INPP5D: variants seen among roughly 807,000 people sequenced by gnomAD.
INPP5D encodes inositol polyphosphate-5-phosphatase D.
Under a neutral mutation model 122.9 loss-of-function variants are expected in INPP5D, and 33 were observed. That is an observed-to-expected ratio of 0.27 (90% confidence interval 0.20 to 0.36). The LOEUF (loss-of-function observed/expected upper bound fraction) is 0.36. Among genes scored for constraint, INPP5D ranks in the 10% least tolerant of loss-of-function variants. INPP5D has a pLI of 1.00. For synonymous variants in INPP5D, 584 were observed against 576.2 expected (o/e 1.01, Z -0.19); for missense variants, 1,053 against 1,412.7 (o/e 0.75, Z 4.08).
chr2:233,096,220 C>T (rs919385836), intron 2 of INPP5D, among the ~76,000 whole-genome samples: 2 of 152,190 alleles, frequency 1.3e-5, no homozygotes, highest in African/African-American at 2.4e-5. Context: ...TTCCGAGTGA[C>T]CTTCTCACCC....
In INPP5D at chr2:233,204,776, GTATGTGTGTACCTATGCA is replaced by G. The variant is rs1444549674; in HGVS notation, c.3567+69_3567+86del. ...TGTGTGTGTGTGCATGCGTGAGTGCGTATGTGTGTACCTATGCATATGTGTGTGCATGTGTGTGTGCAC... is the reference window on the plus strand; with the variant it reads ...TGTGTGTGTGTGCATGCGTGAGTGCGTATGTGTGTGCATGTGTGTGTGCAC... On this transcript the variant is annotated intron_variant, in intron 26 of 26. Coordinates refer to ENST00000445964, the MANE Select transcript of INPP5D (RefSeq NM_001017915.3). 3 of 1,391,238 alleles carry G rather than the reference GTATGTGTGTACCTATGCA, an allele frequency of 2.2e-6. No individual in the cohort carries two copies. In the African/African-American group the frequency reaches 5.4e-5, roughly 25 times the overall value. The allele number at this position is 1,391,238 out of a possible 1,614,324, so 86.2% of individuals were successfully genotyped here.
chr2:233,112,455 G>C (rs1285264909), intron 2 of INPP5D, among the ~76,000 whole-genome samples: 2 of 152,174 alleles, frequency 1.3e-5, no homozygotes, highest in Admixed American at 6.5e-5. Flanking sequence ...AGGTGTTGCA[G>C]GTACTTGTTA....
In INPP5D at chr2:233,091,911, G is replaced by A. The variant is rs138060082; in HGVS notation, c.198+12513G>A. ...TCCACTGTCTCTGTAGCACCAGAAG[G>A]ATGCCTGGCACAGAGTAGGTGCTCA... On this transcript the variant is annotated intron_variant, in intron 2 of 26. Coordinates refer to ENST00000445964, the MANE Select transcript of INPP5D (RefSeq NM_001017915.3). Among the ~76,000 whole-genome samples the A allele has an allele frequency of 3.8e-3, 575 of 152,344 alleles. 4 individuals carry two copies. The highest frequency in any genetic ancestry group is 0.019 in the East Asian group (98 of 5,190).
intron 17 of INPP5D, 154 bp downstream of exon 17, chr2:233,171,306 A>G: frequency 8.2e-7 from 1 of 1,219,794 alleles, no homozygotes; most frequent in Non-Finnish European, 1.1e-6. Context: ...GTTACAGAGT[A>G]AATGGGAAGC....
At chr2:233,140,922 G>A (rs1440723628) in intron 6 of INPP5D, 9 of 152,366 alleles carry the variant, frequency 5.9e-5, no homozygotes, top group Admixed American at 2.6e-4. Context: ...GTTCACTGAA[G>A]AGGGACAGGG....
Position 233,204,621 on chromosome 2 carries a change from G to C in INPP5D, c.3471G>C (p.Lys1157Asn), listed in dbSNP as rs1016249693. ...CGGTGCTGCACCTCCAGCACTCCAA[G>C]GGCCGCGACTACCGCGACAACACCG... ...SPAVLHLQHS[K>N]GRDYRDNTEL... Residue 1157 changes from lysine to asparagine, a missense_variant, in exon 26 of 27, where the codon AAG becomes AAC. By Grantham distance (94) the Lys-to-Asn change is moderately conservative. Transcript: ENST00000445964. The C allele has an allele frequency of 6.3e-7, 1 of 1,578,790 alleles. No homozygotes were observed. Among genetic ancestry groups the C allele is most frequent in the Non-Finnish European group, 8.6e-7 (1 of 1,164,008 alleles).
intron 2 of INPP5D, 82 bp downstream of exon 2, chr2:233,079,480 A>C: frequency 1.1e-6 from 1 of 915,826 alleles, no homozygotes; most frequent in Non-Finnish European, 1.8e-6. Flanking sequence ...TGAGGAAGGA[A>C]GTGCACGCGC....
chr2:233,122,020 C>G (rs557572539), intron 2 of INPP5D, 87 bp from the exon 3 acceptor site: 38 of 1,489,980 alleles, frequency 2.6e-5, no homozygotes, highest in Middle Eastern at 4.1e-4. Context: ...CCCTCCGCCT[C>G]GCTGGTCTCT....
intron 2 of INPP5D, among the ~76,000 whole-genome samples, chr2:233,090,444 A>G (rs1395902726): frequency 2.6e-5 from 4 of 152,030 alleles, no homozygotes; most frequent in African/African-American, 4.8e-5. Context: ...TGCCCAACCC[A>G]TCTCCCCCCC....
rs1457631602 is a variant in INPP5D, at chr2:233,100,903, C to T, written c.199-21204C>T. Among the ~76,000 whole-genome samples, 2 of 148,428 alleles carry T rather than the reference C, an allele frequency of 1.3e-5. No homozygotes were observed. The highest frequency in any genetic ancestry group is 3.0e-5 in the Non-Finnish European group (2 of 67,276). On this transcript the variant is annotated intron_variant, in intron 2 of 26. Coordinates refer to ENST00000445964, the MANE Select transcript of INPP5D (RefSeq NM_001017915.3). This position sits in a 1 kb window ranked among gnomAD's most constrained non-coding sequence, Gnocchi z 5.3. ...AATCTCACCTACCCCTCAAAGAAGG[C>T]GGAAGCTTCCTGTCGTGGTCTGGCC...
At chr2:233,068,755 T>C (rs72982242) in intron 1 of INPP5D, among the ~76,000 whole-genome samples, 8,043 of 152,172 alleles carry the variant, frequency 0.053, 556 homozygotes, top group African/African-American at 0.16. Context: ...TGGAGGCCTC[T>C]GGGGGATGCT....
chr2:233,198,297 G>A lies in INPP5D; in HGVS notation c.2896G>A (p.Gly966Ser), dbSNP rs751261681. The change falls in exon 25 of 27, where the codon GGC (glycine) becomes AGC (serine). Residue 966 changes from glycine to serine, a missense_variant. Around this residue, in one of 6 missense-constraint regions of INPP5D, gnomAD observed 417 missense variants for 425.8 expected, o/e 0.98. Transcript: ENST00000445964. Reference protein sequence around the residue: ...CRGESPPTPPGQPPISPKKFL... With the variant: ...CRGESPPTPPSQPPISPKKFL... ...GGGAGAAAGTCCTCCGACACCTCCC[G>A]GCCAGCCGCCCATATCACCCAAGAA... 40 of 1,613,440 alleles carry A rather than the reference G, an allele frequency of 2.5e-5. No individual in the cohort carries two copies. Among genetic ancestry groups the A allele is most frequent in the Non-Finnish European group, 3.1e-5 (36 of 1,179,902 alleles).
intron 4 of INPP5D, among the ~76,000 whole-genome samples, chr2:233,130,282 G>A (rs1480220523): frequency 1.3e-5 from 2 of 152,134 alleles, no homozygotes; most frequent in Non-Finnish European, 2.9e-5. Context: ...CTCATTGAGA[G>A]GCACCTTTTC....
intron 2 of INPP5D, among the ~76,000 whole-genome samples, chr2:233,110,389 G>A (rs891610798): frequency 1.3e-5 from 2 of 151,128 alleles, no homozygotes; most frequent in Non-Finnish European, 3.0e-5. Flanking sequence ...TAATAGAGAC[G>A]AGTTCTCATT....
chr2:233,176,804 G>GTGGA (rs1472092860), intron 17 of INPP5D, among the ~76,000 whole-genome samples: 3 of 150,536 alleles, frequency 2.0e-5, no homozygotes, highest in Non-Finnish European at 4.4e-5. Flanking sequence ...AGGTGGGTAG[G>GTGGA]TGGATGGATG....
At chr2:233,093,983 A>G (rs2106225264) in intron 2 of INPP5D, among the ~76,000 whole-genome samples, 1 of 152,006 alleles carries the variant, frequency 6.6e-6, no homozygotes, top group South Asian at 2.1e-4. Flanking sequence ...TGAGAAACAG[A>G]TGTTGCCGTG....
Position 233,186,684 on chromosome 2 carries a change from C to CTTTTTTTTTTTTTTTTTT in INPP5D, c.2358+798_2358+815dup, listed in dbSNP as rs144243823. Among the ~76,000 whole-genome samples the CTTTTTTTTTTTTTTTTTT allele has an allele frequency of 2.7e-4, 12 of 44,536 alleles. 1 individual carries two copies. Among genetic ancestry groups the CTTTTTTTTTTTTTTTTTT allele is most frequent in the Admixed American group, 5.9e-4 (2 of 3,374 alleles). 29.2% of individuals were successfully genotyped at this position (44,536 alleles called of 152,430 possible). ...CTTGTTTTTTTTTCTTTTTCTCTTTCTTTTTTTTTTTTTTTTTTTTTTTTT... is the reference window on the plus strand; with the variant it reads ...CTTGTTTTTTTTTCTTTTTCTCTTTCTTTTTTTTTTTTTTTTTTTTTTTTTTTTTTTTTTTTTTTTTTT... On this transcript the variant is annotated intron_variant, in intron 21 of 26. Coordinates refer to ENST00000445964, the MANE Select transcript of INPP5D (RefSeq NM_001017915.3).
At chr2:233,169,677 C>T in intron 14 of INPP5D, 1 of 583,680 alleles carries the variant, frequency 1.7e-6, no homozygotes, top group Non-Finnish European at 2.9e-6. Context: ...AGCAGAAAGC[C>T]TCCTCTGGGG....
At chr2:233,169,966 G>C in intron 14 of INPP5D, 60 bp from the exon 15 acceptor site, 6 of 1,609,634 alleles carry the variant, frequency 3.7e-6, no homozygotes, top group Non-Finnish European at 5.1e-6. Context: ...GTGACTTCCT[G>C]CCACAGTGGA....
Sources: allele counts gnomAD v4.1 joint callset (sites outside exome capture counted in the v4.1 genomes callset), GRCh38; gene constraint gnomAD v4.1.1; regional missense constraint gnomAD v4.1.1; non-coding constraint Gnocchi (gnomAD v3.1); transcripts MANE v1.5; gene names NCBI Gene and HGNC (gene_info 2026-07-23, HGNC 2026-07-21).